CHSY1: variants seen among roughly 807,000 people sequenced by gnomAD.
CHSY1 encodes N-acetylgalactosaminyl-proteoglycan 3-beta-glucuronosyltransferase 1.
CHSY1 carries 13 observed loss-of-function variants against 59.8 expected under a neutral mutation model. That is an observed-to-expected ratio of 0.22 (90% CI 0.14 to 0.35). The LOEUF is 0.35. Among genes scored for constraint, CHSY1 ranks in the 10% least tolerant of loss-of-function variants. CHSY1 has a pLI of 1.00. For synonymous variants in CHSY1, 459 were observed against 401.2 expected, an observed-to-expected ratio of 1.14 and a Z score of -1.72; for missense variants, 947 against 1,030.6, an observed-to-expected ratio of 0.92 and a Z score of 1.11.
chr15:101,228,847 A>G (rs1442102153), intron 2 of CHSY1, among the ~76,000 whole-genome samples: 1 of 152,228 alleles, frequency 6.6e-6, no homozygotes, highest in Non-Finnish European at 1.5e-5. Context: ...TTTTATTTGT[A>G]ATTCCTTTTT....
Position 101,177,775 on chromosome 15 carries a change from G to T in CHSY1, c.2022C>A (p.Pro674=), listed in dbSNP as rs747770781. The T allele has an allele frequency of 2.5e-6, 4 of 1,614,192 alleles. No individual in the cohort carries two copies. Among genetic ancestry groups the T allele is most frequent in the Non-Finnish European group, 3.4e-6 (4 of 1,180,036 alleles). Residue 674 remains proline (P), a synonymous_variant, in exon 3 of 3, where the codon CCC becomes CCA. Transcript: ENST00000254190. ...GAGTAAAGGCAAAATGGTTGTCACT[G>T]GGAACTTTCCCACTATAAACAATCT... is the stretch of plus-strand genomic sequence containing the variant. ...DPKIVYSGKV[P]SDNHFAFTQK...
chr15:101,248,159 C>A (rs888155569), intron 1 of CHSY1, among the ~76,000 whole-genome samples: 1 of 152,142 alleles, frequency 6.6e-6, no homozygotes, highest in African/African-American at 2.4e-5. Context: ...CTACCTTGTG[C>A]TAGAAGAGTC....
intron 1 of CHSY1, among the ~76,000 whole-genome samples, chr15:101,250,053 G>A (rs943787850): frequency 6.6e-6 from 1 of 152,274 alleles, no homozygotes; most frequent in Non-Finnish European, 1.5e-5. Flanking sequence ...AACATCTAGT[G>A]CCTGAAAAAT....
intron 2 of CHSY1, chr15:101,188,191 C>T: frequency 1.0e-6 from 1 of 985,430 alleles, no homozygotes; most frequent in Non-Finnish European, 1.2e-6. Flanking sequence ...CAGTTCATTA[C>T]AGAGAAGTGG....
intron 1 of CHSY1, among the ~76,000 whole-genome samples, chr15:101,239,937 C>T (rs1409727340): frequency 6.6e-6 from 1 of 152,192 alleles, no homozygotes; most frequent in African/African-American, 2.4e-5. Context: ...GTACAACCAG[C>T]ACAGACGCAA....
chr15:101,188,194 A>C, intron 2 of CHSY1: 1 of 985,446 alleles, frequency 1.0e-6, no homozygotes. Flanking sequence ...TTCATTACAG[A>C]GAAGTGGTTT....
At chr15:101,242,701 C>A (rs927729704) in intron 1 of CHSY1, 1 of 152,246 alleles carries the variant, frequency 6.6e-6, no homozygotes, top group Non-Finnish European at 1.5e-5. Context: ...TCTCCTCGGC[C>A]GGAAGGAATC....
chr15:101,184,755 C>T (rs1053462960), intron 2 of CHSY1, among the ~76,000 whole-genome samples: 4 of 152,146 alleles, frequency 2.6e-5, no homozygotes, highest in African/African-American at 9.7e-5. Flanking sequence ...AGAAAGTGAA[C>T]TTAAAATAAA....
intron 2 of CHSY1, among the ~76,000 whole-genome samples, chr15:101,205,815 G>A (rs554840226): frequency 5.9e-4 from 90 of 152,234 alleles, no homozygotes; most frequent in Non-Finnish European, 6.8e-4. Flanking sequence ...GCTGGGCGTG[G>A]TGGTGGGCGC....
intron 2 of CHSY1, among the ~76,000 whole-genome samples, chr15:101,215,036 G>A (rs1360585813): frequency 6.6e-6 from 1 of 152,214 alleles, no homozygotes; most frequent in African/African-American, 2.4e-5. Flanking sequence ...CTCCCACTAT[G>A]TGAGACACCT....
chr15:101,244,640 T>C (rs1203252997), intron 1 of CHSY1, among the ~76,000 whole-genome samples: 1 of 152,210 alleles, frequency 6.6e-6, no homozygotes, highest in Non-Finnish European at 1.5e-5. Flanking sequence ...TCCTTTGATG[T>C]TTCCTTTTCT....
At chr15:101,181,518 T>G (rs1159062794) in intron 2 of CHSY1, among the ~76,000 whole-genome samples, 1 of 152,238 alleles carries the variant, frequency 6.6e-6, no homozygotes, top group Non-Finnish European at 1.5e-5. Flanking sequence ...AAGCATGTGC[T>G]GTTCCTTCTT....
chr15:101,223,544 G>A (rs2038811361), intron 2 of CHSY1, among the ~76,000 whole-genome samples: 1 of 151,600 alleles, frequency 6.6e-6, no homozygotes, highest in Admixed American at 6.6e-5. Flanking sequence ...TCCACACTGG[G>A]ACTCAGGCCT....
chr15:101,194,714 C>A, intron 2 of CHSY1, among the ~76,000 whole-genome samples: 1 of 152,212 alleles, frequency 6.6e-6, no homozygotes, highest in Non-Finnish European at 1.5e-5. Flanking sequence ...CAAGTCTCCA[C>A]ACAATTCCAT....
chr15:101,206,110 T>C (rs1349904619), intron 2 of CHSY1, among the ~76,000 whole-genome samples: 1 of 152,180 alleles, frequency 6.6e-6, no homozygotes, highest in Non-Finnish European at 1.5e-5. Flanking sequence ...TCATAACGTT[T>C]GCAATACTAA....
At chr15:101,190,039 G>C (rs2038424627) in intron 2 of CHSY1, among the ~76,000 whole-genome samples, 1 of 152,060 alleles carries the variant, frequency 6.6e-6, no homozygotes, top group African/African-American at 2.4e-5. Context: ...GTGCGGTGGG[G>C]TTAAATGCCA....
intron 2 of CHSY1, among the ~76,000 whole-genome samples, chr15:101,219,309 GCTTAGATCACCAAGTGAT>G (rs1440040275): frequency 1.3e-5 from 2 of 152,126 alleles, no homozygotes; most frequent in Non-Finnish European, 2.9e-5. Flanking sequence ...ATTATGAAAG[GCTTAGATCACCAAGTGAT>G]CAACAGCATT....
intron 2 of CHSY1, among the ~76,000 whole-genome samples, chr15:101,222,441 C>G (rs769114492): frequency 2.0e-4 from 31 of 152,216 alleles, no homozygotes; most frequent in Non-Finnish European, 4.0e-4. Context: ...TCCCACTTGA[C>G]TATGCTACAC....
At chr15:101,231,555 C>T (rs1032842646) in intron 2 of CHSY1, among the ~76,000 whole-genome samples, 6 of 152,166 alleles carry the variant, frequency 3.9e-5, no homozygotes, top group South Asian at 2.1e-4. Context: ...TCCACCTTTG[C>T]CTATCTCCAA....
Sources: allele counts gnomAD v4.1 joint callset (sites outside exome capture counted in the v4.1 genomes callset), GRCh38; gene constraint gnomAD v4.1.1; transcripts MANE v1.5; gene names NCBI Gene and HGNC (gene_info 2026-07-23, HGNC 2026-07-21).